Variants in KIF17 observed in about 807,000 individuals in gnomAD.
KIF17 encodes the protein kinesin family member 17, also known as kinesin-like protein KIF17.
In KIF17, 80 loss-of-function variants were observed where a neutral mutation model predicts 96.8. The ratio of observed to expected loss-of-function variants is 0.83; its 90% CI spans 0.69 to 1.00. The LOEUF is 1.00. KIF17 is among the 50% of genes least tolerant of loss of function. The probability of loss-of-function intolerance (pLI) is 0.00; values close to 1 mark genes in which losing one functional copy is unlikely to be tolerated. For missense variants in KIF17, 1,280 were observed against 1,372.9 expected (o/e 0.93, Z 1.07); for synonymous variants, 567 against 587.5 (o/e 0.97, Z 0.51).
intron 2 of KIF17, among the ~76,000 whole-genome samples, chr1:20,713,807 A>G (rs1286857694): frequency 6.6e-6 from 1 of 152,068 alleles, no homozygotes; most frequent in Non-Finnish European, 1.5e-5. Context: ...TGCTCTGTCT[A>G]CAAGCCTCAT....
intron 3 of KIF17, among the ~76,000 whole-genome samples, chr1:20,711,231 G>A (rs1161236852): frequency 6.6e-6 from 1 of 152,176 alleles, no homozygotes; most frequent in Non-Finnish European, 1.5e-5. Flanking sequence ...CAAAGAGGAT[G>A]AGGTCGCCAT....
chr1:20,712,907 T>TA (rs2054500122), intron 3 of KIF17, among the ~76,000 whole-genome samples: 1 of 65,330 alleles, frequency 1.5e-5, no homozygotes, highest in African/African-American at 5.5e-5. Flanking sequence ...TTATCTATAT[T>TA]ATATATATAA....
At position 20,682,896 on chromosome 1, in the gene KIF17, G is replaced by A. The variant is rs2053857829; in HGVS notation, c.2232-12C>T. The stretch of plus-strand genomic sequence containing the variant: ...CCAACAGCTGCAGACTGCCGGCGTG[G>A]AGGAGAAAGCAAACAAGACAATATC... On this transcript the variant is annotated splice_polypyrimidine_tract_variant and intron_variant, in intron 10 of 14. Transcript: ENST00000400463. The A allele has an allele frequency of 6.2e-7, 1 of 1,605,624 alleles. No individual in the cohort carries two copies. Among genetic ancestry groups the A allele is most frequent in the Non-Finnish European group, 8.5e-7 (1 of 1,177,744 alleles).
At chr1:20,673,496 G>A (rs2053683643) in intron 11 of KIF17, among the ~76,000 whole-genome samples, 1 of 150,862 alleles carries the variant, frequency 6.6e-6, no homozygotes, top group Admixed American at 6.6e-5. Flanking sequence ...GAAGTGCTGG[G>A]ATTACAGGTG....
intron 6 of KIF17, among the ~76,000 whole-genome samples, chr1:20,697,761 C>G (rs1038043040): frequency 4.6e-5 from 7 of 152,162 alleles, no homozygotes; most frequent in Non-Finnish European, 1.5e-5. Flanking sequence ...AGTGGGGGGG[C>G]CCCCGCCATG....
chr1:20,671,822 G>T (rs368533084), intron 12 of KIF17, 116 bp downstream of exon 12: 1 of 1,268,118 alleles, frequency 7.9e-7, no homozygotes. Flanking sequence ...GGTACCCAGG[G>T]TCACGTGTCT....
intron 10 of KIF17, among the ~76,000 whole-genome samples, chr1:20,684,066 C>T (rs1245104187): frequency 6.6e-6 from 1 of 152,260 alleles, no homozygotes; most frequent in Non-Finnish European, 1.5e-5. Flanking sequence ...ACTGATATCG[C>T]CCATTCTGAA....
At chr1:20,669,909 C>CAAAA in intron 13 of KIF17, among the ~76,000 whole-genome samples, 1 of 109,994 alleles carries the variant, frequency 9.1e-6, no homozygotes, top group Non-Finnish European at 1.9e-5. Context: ...AAAAAACAAC[C>CAAAA]ACCACCACCC....
At position 20,687,274 on chromosome 1, in the gene KIF17, C is replaced by A. The variant is rs909217296; in HGVS notation, c.1938+114G>T. On this transcript the variant is annotated intron_variant, in intron 8 of 14. Coordinates refer to ENST00000400463, the MANE Select transcript of KIF17 (RefSeq NM_001122819.3). The surrounding 1 kb of genome is among the most constrained non-coding windows in gnomAD (Gnocchi z 4.4). ...AGCCGCAGCAGACACAGTGGAGCCACGGCCTGAGTGTCGGAGGCCATGTGT... is the reference window on the plus strand; with the variant it reads ...AGCCGCAGCAGACACAGTGGAGCCAAGGCCTGAGTGTCGGAGGCCATGTGT... 3 of 1,198,898 alleles carry A rather than the reference C, an allele frequency of 2.5e-6. No individual in the cohort carries two copies. Among genetic ancestry groups the A allele is most frequent in the Admixed American group, 1.7e-5 (1 of 58,818 alleles). The allele number at this position is 1,198,898 out of a possible 1,614,324, so 74.3% of individuals were successfully genotyped here. A position where few individuals can be genotyped will look rare whatever the true frequency, so the allele number is the denominator to read the frequency against.
intron 11 of KIF17, among the ~76,000 whole-genome samples, chr1:20,674,205 A>G (rs913769937): frequency 6.6e-6 from 1 of 152,196 alleles, no homozygotes; most frequent in African/African-American, 2.4e-5. Context: ...CTGGGATTAC[A>G]GGTGTGAGCC....
chr1:20,701,814 T>C (rs570672334), intron 5 of KIF17, among the ~76,000 whole-genome samples: 8 of 152,004 alleles, frequency 5.3e-5, no homozygotes, highest in African/African-American at 1.7e-4. Flanking sequence ...ACAACGTCAA[T>C]GGGCCAGGAC....
chr1:20,684,699 G>A, intron 10 of KIF17, 110 bp downstream of exon 10: 1 of 1,150,852 alleles, frequency 8.7e-7, no homozygotes, highest in Admixed American at 2.0e-5. Context: ...GCCCTGCCAA[G>A]TTAGAAGGGA....
At position 20,685,552 on chromosome 1, in the gene KIF17, C is replaced by T. The variant is rs1444713278; in HGVS notation, c.2019+494G>A. Among the ~76,000 whole-genome samples, 1 of 152,044 alleles carries T rather than the reference C, an allele frequency of 6.6e-6. No individual in the cohort carries two copies. Among genetic ancestry groups the T allele is most frequent in the African/African-American group, 2.4e-5 (1 of 41,392 alleles). The stretch of plus-strand genomic sequence containing the variant: ...CCCCAGAGTCACTTCCTAGCCAGGG[C>T]TGCCCCGGCTGCTCCATCTACGCCC... On this transcript the variant is annotated intron_variant, in intron 9 of 14. Transcript: ENST00000400463. The surrounding 1 kb of genome is among the most constrained non-coding windows in gnomAD (Gnocchi z 4.1).
Position 20,709,085 on chromosome 1 carries a change from T to C in KIF17, c.670+554A>G, listed in dbSNP as rs12042868. Among the ~76,000 whole-genome samples, 1 of 151,992 alleles carries C rather than the reference T, an allele frequency of 6.6e-6. No individual in the cohort carries two copies. The highest frequency in any genetic ancestry group is 2.1e-4 in the South Asian group (1 of 4,830). On this transcript the variant is annotated intron_variant, in intron 4 of 14. Coordinates refer to ENST00000400463, the MANE Select transcript of KIF17 (RefSeq NM_001122819.3). This position sits in a 1 kb window ranked among gnomAD's most constrained non-coding sequence, Gnocchi z 4.7. Reference sequence around the variant, plus strand: ...AGTGCTGTAGGAGTAAGTGAGATAATGCACACACATTGCCTGGCACACTGG... The same window carrying C: ...AGTGCTGTAGGAGTAAGTGAGATAACGCACACACATTGCCTGGCACACTGG...
At chr1:20,696,169 G>C (rs2054134690) in intron 6 of KIF17, among the ~76,000 whole-genome samples, 1 of 152,064 alleles carries the variant, frequency 6.6e-6, no homozygotes, top group African/African-American at 2.4e-5. Flanking sequence ...CCAAACCCCT[G>C]GTTCAGACTG....
intron 13 of KIF17, among the ~76,000 whole-genome samples, chr1:20,669,798 A>G (rs1206281884): frequency 7.5e-6 from 1 of 132,644 alleles, no homozygotes; most frequent in Non-Finnish European, 1.6e-5. Context: ...CCTGGGAGGC[A>G]GAGGTTGCAG....
In KIF17 at chr1:20,669,993, GAA is replaced by G. The variant is rs67188527; in HGVS notation, c.2790+426_2790+427del. On this transcript the variant is annotated intron_variant, in intron 13 of 14. Coordinates refer to ENST00000400463, the MANE Select transcript of KIF17 (RefSeq NM_001122819.3). ...GGTCTTGCCACTGAGCTTAGAAAAA[GAA>G]AAAAAAAAAAAAAGACAGAATATGA... Among the ~76,000 whole-genome samples, 547 of 122,524 alleles carry G rather than the reference GAA, an allele frequency of 4.5e-3. 3 individuals are homozygous for G. The highest frequency in any genetic ancestry group is 0.014 in the African/African-American group (437 of 30,704). 80.4% of individuals were successfully genotyped at this position (122,524 alleles called of 152,430 possible). A position where few individuals can be genotyped will look rare whatever the true frequency, so the allele number is the denominator to read the frequency against.
chr1:20,712,933 T>TATATATAATATAG (rs2054502775), intron 3 of KIF17, among the ~76,000 whole-genome samples: 1 of 105,144 alleles, frequency 9.5e-6, no homozygotes, highest in Non-Finnish European at 1.9e-5. Flanking sequence ...CTATATTATC[T>TATATATAATATAG]ATAATATTAT....
chr1:20,697,754 G>T (rs926937265), intron 6 of KIF17, among the ~76,000 whole-genome samples: 6 of 152,150 alleles, frequency 3.9e-5, no homozygotes, highest in Non-Finnish European at 7.4e-5. Flanking sequence ...AGGCAGGAGT[G>T]GGGGGGCCCC....
Sources: allele counts gnomAD v4.1 joint callset (sites outside exome capture counted in the v4.1 genomes callset), GRCh38; gene constraint gnomAD v4.1.1; non-coding constraint Gnocchi (gnomAD v3.1); transcripts MANE v1.5; gene names NCBI Gene and HGNC (gene_info 2026-07-23, HGNC 2026-07-21).